The following PPIL2 variants were observed in gnomAD, a reference collection of about 807,000 sequenced individuals.
The protein encoded by PPIL2 is RING-type E3 ubiquitin-protein ligase PPIL2.
A neutral mutation model predicts 75.2 loss-of-function variants in PPIL2; 50 were observed. That is an observed-to-expected ratio of 0.66 (90% CI 0.53 to 0.84). PPIL2 has a LOEUF of 0.84. PPIL2 is among the 40% of genes least tolerant of loss of function. The pLI is 0.00. For missense variants in PPIL2, 590 were observed against 685.0 expected (o/e 0.86, Z 1.55); for synonymous variants, 245 against 258.8 (o/e 0.95, Z 0.51).
At chr22:21,689,408 A>G (rs1206788032) in intron 15 of PPIL2, among the ~76,000 whole-genome samples, 1 of 152,210 alleles carries the variant, frequency 6.6e-6, no homozygotes, top group Non-Finnish European at 1.5e-5. Context: ...CGTTTTCTTC[A>G]CATGGGTCCT....
At chr22:21,683,117 T>C (rs1480404008) in intron 8 of PPIL2, 65 bp from the exon 9 acceptor site, 4 of 1,374,332 alleles carry the variant, frequency 2.9e-6, no homozygotes, top group African/African-American at 1.4e-5. Context: ...CGTCCTTTGC[T>C]GCATGTGGCT....
chr22:21,692,352 C>T lies in PPIL2; in HGVS notation c.1140-1464C>T, dbSNP rs1216925590. Among the ~76,000 whole-genome samples, 7 of 151,564 alleles carry T rather than the reference C, an allele frequency of 4.6e-5. No individual in the cohort carries two copies. In the South Asian group the frequency reaches 8.4e-4, roughly 18 times the overall value. ...TGTATTTTTAGTAGAGATGGGGTTT[C>T]ACCGTGTTAGCGAGGATGGTCTCGA... On this transcript the variant is annotated intron_variant, in intron 15 of 19. Coordinates refer to ENST00000398831, the MANE Select transcript of PPIL2 (RefSeq NM_014337.4).
Position 21,697,872 on chromosome 22 carries a change from TGAG to T in PPIL2, c.*2384_*2386del, listed in dbSNP as rs1226784029. 1.3e-5 allele frequency: 2 copies of T among 152,368 alleles called. No individual in the cohort carries two copies. The highest frequency in any genetic ancestry group is 2.4e-5 in the African/African-American group (1 of 41,458). 9.4% of individuals were successfully genotyped at this position (152,368 alleles called of 1,614,324 possible). The stretch of plus-strand genomic sequence containing the variant: ...ACCATTTGAATTTTTAACGACCTGA[TGAG>T]GGCATCAGGTAAATTAAAGGATTTT... On this transcript the variant is annotated 3_prime_UTR_variant, in exon 20 of 20. Coordinates refer to ENST00000398831, the MANE Select transcript of PPIL2 (RefSeq NM_014337.4).
intron 15 of PPIL2, among the ~76,000 whole-genome samples, chr22:21,690,924 G>A (rs2067592740): frequency 2.0e-5 from 3 of 146,928 alleles, no homozygotes; most frequent in Admixed American, 2.0e-4. Context: ...TAACCAGCCT[G>A]TGAAACTGCT....
At chr22:21,684,970 G>A in intron 10 of PPIL2, 57 bp downstream of exon 10, 1 of 1,598,394 alleles carries the variant, frequency 6.3e-7, no homozygotes, top group Non-Finnish European at 8.5e-7. Context: ...CCCATCTCAT[G>A]GCCTCTTGGA....
chr22:21,677,145 C>A (rs933806437), intron 6 of PPIL2, among the ~76,000 whole-genome samples: 1 of 151,550 alleles, frequency 6.6e-6, no homozygotes, highest in Non-Finnish European at 1.5e-5. Flanking sequence ...GGGCGGCTGC[C>A]GGGCGGAGGG....
chr22:21,680,916 T>G (rs1192210142), intron 6 of PPIL2, among the ~76,000 whole-genome samples: 1 of 149,792 alleles, frequency 6.7e-6, no homozygotes, highest in African/African-American at 2.5e-5. Context: ...AAGGAAGAGC[T>G]GACCAGGGGG....
intron 6 of PPIL2, among the ~76,000 whole-genome samples, 196 bp from the exon 7 acceptor site, chr22:21,681,103 T>A (rs1325537752): frequency 1.3e-5 from 2 of 152,100 alleles, no homozygotes; most frequent in African/African-American, 4.8e-5. Context: ...GAATAGGAGT[T>A]TCCTAACGGT....
chr22:21,687,600 T>A (rs2067428041), intron 12 of PPIL2, 43 bp from the exon 13 acceptor site: 1 of 1,309,780 alleles, frequency 7.6e-7, no homozygotes. Flanking sequence ...GAGCTGCCTT[T>A]GGCAGCTCTC....
intron 15 of PPIL2, among the ~76,000 whole-genome samples, chr22:21,690,655 T>C (rs962866888): frequency 3.3e-5 from 5 of 152,240 alleles, no homozygotes; most frequent in Non-Finnish European, 7.3e-5. Flanking sequence ...TTTCTGTCTT[T>C]GCTTCTTCAT....
intron 15 of PPIL2, among the ~76,000 whole-genome samples, chr22:21,690,219 C>T (rs970554876): frequency 6.6e-6 from 1 of 151,706 alleles, no homozygotes; most frequent in African/African-American, 2.4e-5. Context: ...CCGATCTCTA[C>T]AAAAAATAAA....
chr22:21,681,233 G>A (rs898238335), intron 6 of PPIL2, 66 bp from the exon 7 acceptor site: 7 of 1,335,476 alleles, frequency 5.2e-6, no homozygotes, highest in African/African-American at 1.4e-5. Context: ...GGCCCTCTGC[G>A]GTCCTCACTG....
intron 15 of PPIL2, among the ~76,000 whole-genome samples, chr22:21,692,327 T>TTTGG (rs1445748324): frequency 2.6e-5 from 4 of 151,818 alleles, no homozygotes; most frequent in Non-Finnish European, 5.9e-5. Context: ...GCTAATTTTT[T>TTTGG]GTATTTTTAG....
intron 6 of PPIL2, among the ~76,000 whole-genome samples, chr22:21,676,534 G>A (rs2066869496): frequency 6.6e-6 from 1 of 151,532 alleles, no homozygotes. Context: ...TGTGTCCCTG[G>A]GTACTTGAGA....
chr22:21,685,986 A>T (rs1487272972), intron 10 of PPIL2, among the ~76,000 whole-genome samples: 1 of 151,064 alleles, frequency 6.6e-6, no homozygotes, highest in East Asian at 2.0e-4. Flanking sequence ...GTTAGACAAC[A>T]TAGTGAGACC....
chr22:21,672,736 C>T (rs1042809371), intron 5 of PPIL2, among the ~76,000 whole-genome samples: 4 of 152,168 alleles, frequency 2.6e-5, no homozygotes, highest in South Asian at 4.1e-4. Flanking sequence ...AGCCTGGTTC[C>T]GAGGGAGATC....
chr22:21,688,996 G>C (rs2067502943), intron 15 of PPIL2, 147 bp downstream of exon 15: 2 of 759,314 alleles, frequency 2.6e-6, no homozygotes, highest in Admixed American at 5.1e-5. Flanking sequence ...ATGTGCACCT[G>C]CGTTCAAAAG....
In PPIL2 at chr22:21,688,839, A is replaced by G. The variant is rs1377842529; in HGVS notation, c.1129A>G (p.Arg377Gly). The change falls in exon 15 of 20, where the codon AGG (arginine) becomes GGG (glycine). Residue 377 changes from arginine (R) to glycine (G), a missense_variant. Arg to Gly is a moderately radical substitution (Grantham distance 125, BLOSUM62 -2). Coordinates refer to ENST00000398831, the MANE Select transcript of PPIL2 (RefSeq NM_014337.4). ...SMANSGPNSN[R>G]SQFFITFRSC... ...GGCCAACTCCGGGCCCAACAGCAACAGGTCTCAATTGTGAGTCAGCTGGGC... is the reference window on the plus strand; with the variant it reads ...GGCCAACTCCGGGCCCAACAGCAACGGGTCTCAATTGTGAGTCAGCTGGGC... The G allele has an allele frequency of 2.5e-6, 4 of 1,613,950 alleles. No individual in the cohort carries two copies. The highest frequency in any genetic ancestry group is 1.6e-4 in the Middle Eastern group (1 of 6,082).
At chr22:21,686,035 G>A (rs779125338) in intron 10 of PPIL2, among the ~76,000 whole-genome samples, 2 of 152,082 alleles carry the variant, frequency 1.3e-5, no homozygotes, top group East Asian at 2.0e-4. Context: ...GGTGGCATGC[G>A]CCTGTCGTCC....
Sources: gnomAD v4.1 joint callset for allele counts (sites outside exome capture counted in the v4.1 genomes callset) on GRCh38, gnomAD v4.1.1 for gene constraint, MANE v1.5 for transcripts, NCBI Gene and HGNC (gene_info 2026-07-23, HGNC 2026-07-21) for gene names.